Variants in KLHL32 observed in about 807,000 individuals in gnomAD.
The protein encoded by KLHL32 is kelch like family member 32.
KLHL32 carries 35 observed loss-of-function variants against 64.8 expected under a neutral mutation model. The observed-to-expected ratio is 0.54, with a 90% CI of 0.41 to 0.72. The LOEUF is 0.72. Among genes scored for constraint, KLHL32 ranks in the 30% least tolerant of loss-of-function variants. KLHL32 has a pLI of 0.00. For missense variants in KLHL32, 589 were observed against 768.5 expected, an observed-to-expected ratio of 0.77 and a Z score of 2.76; for synonymous variants, 259 against 281.0, an observed-to-expected ratio of 0.92 and a Z score of 0.78.
chr6:96,964,134 C>T (rs975189395), intron 1 of KLHL32, among the ~76,000 whole-genome samples: 7 of 151,834 alleles, frequency 4.6e-5, no homozygotes, highest in Non-Finnish European at 1.0e-4. Context: ...CCTAATGCTC[C>T]ACTCAGCTGG....
intron 6 of KLHL32, among the ~76,000 whole-genome samples, chr6:97,098,846 G>C (rs1438435157): frequency 6.6e-6 from 1 of 152,122 alleles, no homozygotes; most frequent in African/African-American, 2.4e-5. Context: ...GTTATGTCTT[G>C]TTTTTGGTTA....
At chr6:96,900,773 TC>T in the KLHL32 span, among the ~76,000 whole-genome samples, 3 of 152,220 alleles carry the variant, frequency 2.0e-5, no homozygotes, top group African/African-American at 7.2e-5. Context: ...AGAGGTTTCA[TC>T]AATCAAATCT....
intron 6 of KLHL32, among the ~76,000 whole-genome samples, chr6:97,099,783 T>G (rs1282214010): frequency 6.6e-6 from 1 of 152,178 alleles, no homozygotes; most frequent in Non-Finnish European, 1.5e-5. Flanking sequence ...TATCTGACAT[T>G]TATTGTTTGT....
intron 4 of KLHL32, among the ~76,000 whole-genome samples, chr6:97,053,202 A>G (rs1787227681): frequency 6.6e-6 from 1 of 152,118 alleles, no homozygotes; most frequent in African/African-American, 2.4e-5. Context: ...GATGCCTCAG[A>G]TCCTTTTTGA....
At chr6:97,069,258 G>A (rs938861987) in intron 5 of KLHL32, among the ~76,000 whole-genome samples, 1 of 152,154 alleles carries the variant, frequency 6.6e-6, no homozygotes, top group Non-Finnish European at 1.5e-5. Context: ...TGTTTACTCA[G>A]CATCCCTTGT....
intron 3 of KLHL32, among the ~76,000 whole-genome samples, chr6:97,035,682 T>TA (rs1032944463): frequency 7.9e-5 from 12 of 151,652 alleles, no homozygotes; most frequent in African/African-American, 1.2e-4. Flanking sequence ...ACATTTCTAC[T>TA]AAAAAAAAAT....
At chr6:96,910,426 G>C in the KLHL32 span, among the ~76,000 whole-genome samples, 1 of 152,178 alleles carries the variant, frequency 6.6e-6, no homozygotes, top group Non-Finnish European at 1.5e-5. Flanking sequence ...AATAGTATCT[G>C]CAGCATTGTG....
chr6:97,061,312 CT>C (rs768711934), intron 4 of KLHL32, among the ~76,000 whole-genome samples: 144 of 152,282 alleles, frequency 9.5e-4, no homozygotes, highest in Middle Eastern at 3.4e-3. Flanking sequence ...AGTTTGGCTT[CT>C]TTTAGGGTTT....
chr6:96,997,939 T>A (rs1778595285), intron 3 of KLHL32, among the ~76,000 whole-genome samples: 1 of 152,214 alleles, frequency 6.6e-6, no homozygotes, highest in South Asian at 2.1e-4. Flanking sequence ...TCCTATTTGG[T>A]TGCTTTGTAG....
At chr6:97,040,762 A>G (rs768246443) in intron 3 of KLHL32, among the ~76,000 whole-genome samples, 1 of 152,162 alleles carries the variant, frequency 6.6e-6, no homozygotes. Context: ...GGGTAATTGG[A>G]TCATGGGGGC....
intron 3 of KLHL32, among the ~76,000 whole-genome samples, chr6:97,019,254 C>A (rs974715498): frequency 4.6e-5 from 7 of 152,040 alleles, no homozygotes; most frequent in African/African-American, 1.4e-4. Context: ...AGCCTTTTTG[C>A]AATTTGCGTT....
upstream of KLHL32, among the ~76,000 whole-genome samples, chr6:96,924,211 A>G (rs1768866597): frequency 6.6e-6 from 1 of 152,192 alleles, no homozygotes; most frequent in South Asian, 2.1e-4. Flanking sequence ...GAACTTCACA[A>G]GTTAGCAGAG....
chr6:97,004,900 A>G (rs1440864553), intron 3 of KLHL32, among the ~76,000 whole-genome samples: 1 of 151,240 alleles, frequency 6.6e-6, no homozygotes, highest in Non-Finnish European at 1.5e-5. Flanking sequence ...GGATTTTTGC[A>G]TCTATGTTCA....
intron 3 of KLHL32, among the ~76,000 whole-genome samples, chr6:97,031,597 C>T (rs1198006918): frequency 6.6e-6 from 1 of 152,072 alleles, no homozygotes; most frequent in African/African-American, 2.4e-5. Flanking sequence ...CTCAGCCTCC[C>T]AAAGTGGTGG....
chr6:97,122,484 C>T (rs1798465819), intron 7 of KLHL32, among the ~76,000 whole-genome samples: 1 of 152,104 alleles, frequency 6.6e-6, no homozygotes, highest in Admixed American at 6.5e-5. Flanking sequence ...TTTGGTTTTG[C>T]ATTTATTATA....
intron 5 of KLHL32, among the ~76,000 whole-genome samples, chr6:97,077,435 G>A (rs1269510367): frequency 4.0e-5 from 6 of 150,698 alleles, no homozygotes; most frequent in Non-Finnish European, 7.4e-5. Flanking sequence ...ATCTTTTTCT[G>A]ATCATCACTA....
chr6:96,986,966 C>T (rs111359407), intron 3 of KLHL32, among the ~76,000 whole-genome samples: 1,713 of 149,732 alleles, frequency 0.011, 41 homozygotes, highest in African/African-American at 0.04. Flanking sequence ...GCATCGCTCA[C>T]GCTGGGAGCT....
chr6:97,082,568 G>GCACC (rs1380667056), intron 5 of KLHL32, among the ~76,000 whole-genome samples: 1 of 150,766 alleles, frequency 6.6e-6, no homozygotes, highest in African/African-American at 2.4e-5. Context: ...AGCCAAGATA[G>GCACC]CACCACTGCA....
intron 1 of KLHL32, among the ~76,000 whole-genome samples, chr6:96,955,734 C>T (rs1025383318): frequency 5.3e-5 from 8 of 152,024 alleles, no homozygotes; most frequent in South Asian, 2.1e-4. Context: ...GTCAGGAGTT[C>T]GAGACCAGCT....
Sources: allele counts gnomAD v4.1 joint callset (sites outside exome capture counted in the v4.1 genomes callset), GRCh38; gene constraint gnomAD v4.1.1; transcripts MANE v1.5; gene names NCBI Gene and HGNC (gene_info 2026-07-23, HGNC 2026-07-21).